The following COL27A1 variants were observed in gnomAD, a reference collection of about 807,000 sequenced individuals.
COL27A1 encodes the protein collagen alpha-1(XXVII) chain.
In COL27A1, 106 loss-of-function variants were observed where a neutral mutation model predicts 251.3. The observed-to-expected ratio is 0.42, with a 90% CI of 0.36 to 0.50. The LOEUF is 0.50. Ranked by LOEUF, COL27A1 falls within the 20% of genes least tolerant of loss-of-function variation. COL27A1 has a pLI of 0.00. For missense variants in COL27A1, 2,325 were observed against 2,522.8 expected (o/e 0.92, Z 1.68); for synonymous variants, 1,000 against 986.3 (o/e 1.01, Z -0.26).
At chr9:114,286,693 T>C (rs1382957439) in intron 41 of COL27A1, among the ~76,000 whole-genome samples, 1 of 152,200 alleles carries the variant, frequency 6.6e-6, no homozygotes, top group African/African-American at 2.4e-5. Flanking sequence ...TATACATATG[T>C]AACAAACCTG....
chr9:114,275,241 G>A (rs1835419381), intron 36 of COL27A1, among the ~76,000 whole-genome samples: 1 of 151,894 alleles, frequency 6.6e-6, no homozygotes, highest in South Asian at 2.1e-4. Context: ...TCCAGCCTGG[G>A]AGAGAGTGAG....
intron 5 of COL27A1, among the ~76,000 whole-genome samples, chr9:114,189,711 T>G (rs893816294): frequency 6.6e-6 from 1 of 152,228 alleles, no homozygotes; most frequent in African/African-American, 2.4e-5. Context: ...CATTTCTTAT[T>G]AGGTTTATAC....
intron 41 of COL27A1, among the ~76,000 whole-genome samples, chr9:114,286,141 G>A (rs1203723240): frequency 6.6e-6 from 1 of 152,220 alleles, no homozygotes; most frequent in African/African-American, 2.4e-5. Flanking sequence ...TGGAAATGAT[G>A]CCCTTAGAGG....
chr9:114,230,516 C>T (rs1831870201), intron 14 of COL27A1, among the ~76,000 whole-genome samples: 1 of 152,294 alleles, frequency 6.6e-6, no homozygotes. Flanking sequence ...GGGTCTCCAA[C>T]CTGTGGTCCA....
rs1166763755 is a variant in COL27A1, at chr9:114,242,220, C to A, written c.2869C>A (p.Pro957Thr). The change falls in exon 22 of 61, where the codon CCT becomes ACT. Residue 957 changes from proline to threonine, a missense_variant. Pro to Thr is a conservative substitution (Grantham distance 38). Around this residue, in one of 4 missense-constraint regions of COL27A1, gnomAD observed 662 missense variants for 795.3 expected, o/e 0.83. Transcript: ENST00000356083. ...DEGPMGPPGAPGLEGQPGRKG... is the reference protein window; with the variant it reads ...DEGPMGPPGATGLEGQPGRKG... ...GGGACCCATGGGGCCGCCAGGGGCC[C>A]CTGGCTTGGAGGTGAGTGTCACTGG... 6.2e-7 allele frequency: 1 copy of A among 1,610,188 alleles called. No individual in the cohort carries two copies. Among genetic ancestry groups the A allele is most frequent in the Non-Finnish European group, 8.5e-7 (1 of 1,178,706 alleles).
intron 12 of COL27A1, among the ~76,000 whole-genome samples, chr9:114,213,810 C>G (rs764115287): frequency 7.9e-5 from 12 of 152,230 alleles, no homozygotes; most frequent in Non-Finnish European, 1.2e-4. Context: ...TCCATAGACA[C>G]TCTGAGCCTT....
At chr9:114,242,052 C>A in intron 21 of COL27A1, 135 bp from the exon 22 acceptor site, 1 of 692,620 alleles carries the variant, frequency 1.4e-6, no homozygotes, top group Non-Finnish European at 2.2e-6. Flanking sequence ...GGCAGGTGGG[C>A]CAGGCGTGCT....
chr9:114,236,891 T>C, intron 17 of COL27A1, 90 bp from the exon 18 acceptor site: 2 of 1,246,640 alleles, frequency 1.6e-6, no homozygotes, highest in Non-Finnish European at 1.2e-6. Context: ...GGGCGTTCTC[T>C]GGGCCTGGGA....
chr9:114,180,196 C>A (rs911068053), intron 4 of COL27A1, among the ~76,000 whole-genome samples: 2 of 152,124 alleles, frequency 1.3e-5, no homozygotes, highest in African/African-American at 4.8e-5. Flanking sequence ...TTCACCTGAG[C>A]CCCTCCAGAG....
chr9:114,175,235 C>T (rs758804724), intron 3 of COL27A1, among the ~76,000 whole-genome samples: 4 of 152,216 alleles, frequency 2.6e-5, no homozygotes, highest in Non-Finnish European at 5.9e-5. Context: ...AGGCCTGAGC[C>T]CCCGCTCTGC....
At chr9:114,183,875 T>C (rs1168381318) in intron 5 of COL27A1, among the ~76,000 whole-genome samples, 1 of 152,120 alleles carries the variant, frequency 6.6e-6, no homozygotes, top group East Asian at 1.9e-4. Context: ...GGCTGATGCT[T>C]TGATGATATG....
At chr9:114,186,661 G>A (rs1828361666) in intron 5 of COL27A1, among the ~76,000 whole-genome samples, 1 of 152,210 alleles carries the variant, frequency 6.6e-6, no homozygotes, top group African/African-American at 2.4e-5. Flanking sequence ...AGGGCAACAG[G>A]CCTGGTAGTT....
intron 54 of COL27A1, 84 bp from the exon 55 acceptor site, chr9:114,301,598 C>T: frequency 6.5e-7 from 1 of 1,530,476 alleles, no homozygotes; most frequent in South Asian, 1.2e-5. Flanking sequence ...CCCTGGGTCC[C>T]AGGTCTGCTT....
chr9:114,202,845 C>A (rs557813759), intron 7 of COL27A1, among the ~76,000 whole-genome samples: 4 of 152,266 alleles, frequency 2.6e-5, no homozygotes, highest in Admixed American at 1.3e-4. Flanking sequence ...TTCACCATCC[C>A]TCCCCAATGC....
chr9:114,275,089 C>T (rs1453606512), intron 36 of COL27A1, among the ~76,000 whole-genome samples: 1 of 144,456 alleles, frequency 6.9e-6, no homozygotes, highest in Non-Finnish European at 1.5e-5. Flanking sequence ...GACCCCATTT[C>T]TACAAAAAAA....
intron 49 of COL27A1, among the ~76,000 whole-genome samples, chr9:114,296,623 A>T (rs1828274875): frequency 6.6e-6 from 1 of 152,232 alleles, no homozygotes; most frequent in Non-Finnish European, 1.5e-5. Context: ...AAAGTGGTAC[A>T]ATCACTATGG....
chr9:114,178,358 C>T lies in COL27A1; in HGVS notation c.1962+14C>T. On this transcript the variant is annotated intron_variant, in intron 4 of 60. Coordinates refer to ENST00000356083, the MANE Select transcript of COL27A1 (RefSeq NM_032888.4). The stretch of plus-strand genomic sequence containing the variant: ...CGTGGGCCTCGGGTGAGTTATCTCA[C>T]ACTGTCCTTTGGAACTCTTGGTGGC... The T allele has an allele frequency of 6.2e-7, 1 of 1,613,516 alleles. No individual in the cohort carries two copies. The highest frequency in any genetic ancestry group is 1.3e-5 in the African/African-American group (1 of 75,040).
In COL27A1 at chr9:114,215,353, G is replaced by A. The variant is rs908154133; in HGVS notation, c.2367+4327G>A. On this transcript the variant is annotated intron_variant, in intron 12 of 60. Coordinates refer to ENST00000356083, the MANE Select transcript of COL27A1 (RefSeq NM_032888.4). Reference sequence around the variant, plus strand: ...GAAATTGAGGCCAAAGCAGATTAAGGTTCTCAGCTGAGGTGATGCTGTGAG... The same window carrying A: ...GAAATTGAGGCCAAAGCAGATTAAGATTCTCAGCTGAGGTGATGCTGTGAG... 1.3e-4 allele frequency among the ~76,000 whole-genome samples: 20 copies of A among 152,212 alleles called. 1 individual carries two copies. The highest frequency in any genetic ancestry group is 2.9e-4 in the Non-Finnish European group (20 of 68,036).
At chr9:114,261,895 C>G (rs986294642) in intron 28 of COL27A1, among the ~76,000 whole-genome samples, 5 of 152,230 alleles carry the variant, frequency 3.3e-5, no homozygotes, top group Non-Finnish European at 5.9e-5. Context: ...GCTTTCACTG[C>G]TCCTGCGGTG....
Sources: allele counts gnomAD v4.1 joint callset (sites outside exome capture counted in the v4.1 genomes callset), GRCh38; gene constraint gnomAD v4.1.1; regional missense constraint gnomAD v4.1.1; transcripts MANE v1.5; gene names NCBI Gene and HGNC (gene_info 2026-07-23, HGNC 2026-07-21).